The following TLN2 variants were observed in gnomAD, a reference collection of about 807,000 sequenced individuals.
The protein encoded by TLN2 is talin-2.
In TLN2, 118 loss-of-function variants were observed where a neutral mutation model predicts 294.7. That is an observed-to-expected ratio of 0.40 (90% CI 0.34 to 0.47). TLN2 has a LOEUF of 0.47. TLN2 is among the 20% of genes least tolerant of loss of function. The probability of loss-of-function intolerance (pLI) is 0.84; values close to 1 mark genes in which losing one functional copy is unlikely to be tolerated. For missense variants in TLN2, 3,083 were observed against 3,282.2 expected (o/e 0.94, Z 1.48); for synonymous variants, 1,431 against 1,304.5 (o/e 1.10, Z -2.09).
At chr15:62,548,043 A>G (rs933014058) in intron 1 of TLN2, among the ~76,000 whole-genome samples, 11 of 152,352 alleles carry the variant, frequency 7.2e-5, no homozygotes, top group African/African-American at 2.4e-4. Flanking sequence ...ATGGAGCTTC[A>G]TTCCAGCCCG....
intron 1 of TLN2, among the ~76,000 whole-genome samples, chr15:62,537,585 G>A (rs970487129): frequency 1.3e-5 from 2 of 152,156 alleles, no homozygotes; most frequent in Non-Finnish European, 2.9e-5. Context: ...GAGCCTCAGG[G>A]AAGGAAGTGA....
In TLN2 at chr15:62,797,209, G is replaced by C. The variant is rs1042642417; in HGVS notation, c.6051-10G>C. On this transcript the variant is annotated splice_polypyrimidine_tract_variant and intron_variant, in intron 47 of 58. Transcript: ENST00000636159. Reference sequence around the variant, plus strand: ...TCTCCCCCTCTCCCCTGCCCTCCTGGCTCTCTCAGGGAGAACATTCTCAAG... The same window carrying C: ...TCTCCCCCTCTCCCCTGCCCTCCTGCCTCTCTCAGGGAGAACATTCTCAAG... 2 of 1,613,964 alleles carry C rather than the reference G, an allele frequency of 1.2e-6. No homozygotes were observed. The highest frequency in any genetic ancestry group is 2.7e-5 in the African/African-American group (2 of 75,024).
chr15:62,541,141 A>G (rs2140522154), intron 1 of TLN2, among the ~76,000 whole-genome samples: 1 of 152,312 alleles, frequency 6.6e-6, no homozygotes, highest in South Asian at 2.1e-4. Flanking sequence ...CACCCCGAGT[A>G]GATGATTTTT....
intron 1 of TLN2, among the ~76,000 whole-genome samples, chr15:62,448,099 G>C (rs1163523859): frequency 1.3e-5 from 2 of 152,188 alleles, no homozygotes; most frequent in African/African-American, 4.8e-5. Flanking sequence ...TTTAGGAGAC[G>C]AACTTGGAGC....
At chr15:62,584,356 T>A (rs1480205849) in intron 1 of TLN2, among the ~76,000 whole-genome samples, 1 of 152,226 alleles carries the variant, frequency 6.6e-6, no homozygotes, top group Non-Finnish European at 1.5e-5. Flanking sequence ...CCTCCTAGTT[T>A]GCTGGAATGC....
intron 1 of TLN2, among the ~76,000 whole-genome samples, chr15:62,399,769 T>C (rs781223293): frequency 6.6e-6 from 1 of 152,238 alleles, no homozygotes; most frequent in Non-Finnish European, 1.5e-5. Context: ...AGGCAATTCC[T>C]GTACCACCTT....
intron 1 of TLN2, among the ~76,000 whole-genome samples, chr15:62,443,319 C>A (rs1401403037): frequency 1.3e-5 from 2 of 152,146 alleles, no homozygotes; most frequent in South Asian, 2.1e-4. Flanking sequence ...TGTGCCCTTC[C>A]TGCTTCCTTA....
intron 3 of TLN2, among the ~76,000 whole-genome samples, chr15:62,624,295 A>AT (rs1345453177): frequency 3.3e-5 from 5 of 152,032 alleles, no homozygotes; most frequent in African/African-American, 1.2e-4. Context: ...TTGCAATATT[A>AT]TTTTTCTGAT....
chr15:62,565,617 T>C (rs754290233), intron 1 of TLN2, among the ~76,000 whole-genome samples: 5 of 152,204 alleles, frequency 3.3e-5, no homozygotes, highest in Admixed American at 6.5e-5. Flanking sequence ...ACTACCCTTG[T>C]TTTGCTAGGC....
chr15:62,393,991 G>T (rs1435399465), intron 1 of TLN2, among the ~76,000 whole-genome samples: 2 of 151,994 alleles, frequency 1.3e-5, no homozygotes, highest in Non-Finnish European at 2.9e-5. Flanking sequence ...GGCCAGGCTG[G>T]TCTCGAACTC....
chr15:62,410,678 C>T (rs923978563), intron 1 of TLN2, among the ~76,000 whole-genome samples: 1 of 152,220 alleles, frequency 6.6e-6, no homozygotes, highest in Non-Finnish European at 1.5e-5. Flanking sequence ...GGCGCAGCCT[C>T]TTATCCATTA....
intron 17 of TLN2, 60 bp from the exon 18 acceptor site, chr15:62,701,932 G>A: frequency 6.3e-7 from 1 of 1,587,524 alleles, no homozygotes; most frequent in South Asian, 1.1e-5. Context: ...GTGGGGTTTT[G>A]AAAATTCTCA....
Position 62,465,947 on chromosome 15 carries a change from G to A in TLN2, c.-238+75262G>A, listed in dbSNP as rs186164562. 4.0e-3 allele frequency among the ~76,000 whole-genome samples: 616 copies of A among 152,334 alleles called. 2 individuals carry two copies. Among genetic ancestry groups the A allele is most frequent in the Non-Finnish European group, 6.8e-3 (462 of 68,028 alleles). On this transcript the variant is annotated intron_variant, in intron 1 of 58. Transcript: ENST00000636159. Reference sequence around the variant, plus strand: ...TTTGTAGAGTCCAGGAACTCCTTGTGTCTCATTCCTGTGGAGTAGGAGGTC... The same window carrying A: ...TTTGTAGAGTCCAGGAACTCCTTGTATCTCATTCCTGTGGAGTAGGAGGTC...
chr15:62,782,220 C>A (rs1454631617), intron 44 of TLN2, among the ~76,000 whole-genome samples: 1 of 152,222 alleles, frequency 6.6e-6, no homozygotes, highest in African/African-American at 2.4e-5. Flanking sequence ...AAAGTCATCC[C>A]TGGCTGCTGC....
At chr15:62,584,730 A>G (rs1157399167) in intron 1 of TLN2, among the ~76,000 whole-genome samples, 2 of 152,216 alleles carry the variant, frequency 1.3e-5, no homozygotes, top group Admixed American at 6.5e-5. Context: ...TTTGTTTTCA[A>G]AATTGTTCCT....
At chr15:62,562,959 CACACACACACA>C (rs2043097244) in intron 1 of TLN2, among the ~76,000 whole-genome samples, 2 of 134,422 alleles carry the variant, frequency 1.5e-5, no homozygotes, top group African/African-American at 5.6e-5. Flanking sequence ...CACACACACA[CACACACACACA>C]CCAGTTTCTT....
rs1483985178 is a variant in TLN2, at chr15:62,716,285, A to T, written c.2635-46A>T. 1.1e-5 allele frequency: 16 copies of T among 1,503,998 alleles called. No homozygotes were observed. In the Admixed American group the frequency reaches 3.9e-4, roughly 36 times the overall value. The allele number at this position is 1,503,998 out of a possible 1,614,324, so 93.2% of individuals were successfully genotyped here. A position where few individuals can be genotyped will look rare whatever the true frequency, so the allele number is the denominator to read the frequency against. ...TAATACTGAAGGCATGAATTCAGTG[A>T]TGTCTCCTGCTGGACCACTTGAAAT... On this transcript the variant is annotated intron_variant, in intron 22 of 58. Coordinates refer to ENST00000636159, the MANE Select transcript of TLN2 (RefSeq NM_015059.3).
At chr15:62,789,406 C>G (rs376685592) in intron 45 of TLN2, among the ~76,000 whole-genome samples, 18 of 152,310 alleles carry the variant, frequency 1.2e-4, no homozygotes, top group African/African-American at 4.3e-4. Context: ...CTGATGACCA[C>G]TGGGCCAGCT....
chr15:62,557,120 G>A (rs910658854), intron 1 of TLN2, among the ~76,000 whole-genome samples: 1 of 152,130 alleles, frequency 6.6e-6, no homozygotes, highest in African/African-American at 2.4e-5. Context: ...GAAACCCTAG[G>A]AACACACTTT....
Sources: allele counts gnomAD v4.1 joint callset (sites outside exome capture counted in the v4.1 genomes callset), GRCh38; gene constraint gnomAD v4.1.1; transcripts MANE v1.5; gene names NCBI Gene and HGNC (gene_info 2026-07-23, HGNC 2026-07-21).